ASTN2: variants seen among roughly 807,000 people sequenced by gnomAD.
ASTN2 encodes the protein astrotactin 2, also known as astrotactin-2.
A neutral mutation model predicts 139.8 loss-of-function variants in ASTN2; 54 were observed. The observed-to-expected ratio is 0.39, with a 90% CI of 0.31 to 0.48. The LOEUF is 0.48. Among genes scored for constraint, ASTN2 ranks in the 20% least tolerant of loss-of-function variants. ASTN2 has a pLI of 0.95. For synonymous variants in ASTN2, 756 were observed against 719.5 expected (o/e 1.05, Z -0.81); for missense variants, 1,565 against 1,725.1 (o/e 0.91, Z 1.64).
chr9:117,233,080 T>C (rs563585074), intron 2 of ASTN2, among the ~76,000 whole-genome samples: 1 of 152,290 alleles, frequency 6.6e-6, no homozygotes, highest in East Asian at 1.9e-4. Context: ...GAGCTGGAGC[T>C]TGCGTTCTTC....
At chr9:117,247,266 G>T (rs991625824) in intron 2 of ASTN2, among the ~76,000 whole-genome samples, 3 of 152,196 alleles carry the variant, frequency 2.0e-5, no homozygotes, top group Non-Finnish European at 4.4e-5. Context: ...CAGGATTAGC[G>T]GCTTGCCTCC....
intron 2 of ASTN2, among the ~76,000 whole-genome samples, chr9:117,240,969 C>T (rs1171568085): frequency 6.6e-6 from 1 of 152,188 alleles, no homozygotes; most frequent in Non-Finnish European, 1.5e-5. Flanking sequence ...GTTTACAATC[C>T]TCCTTTCCAT....
chr9:117,225,846 A>G (rs1455035459), intron 2 of ASTN2, among the ~76,000 whole-genome samples: 1 of 151,962 alleles, frequency 6.6e-6, no homozygotes, highest in Non-Finnish European at 1.5e-5. Context: ...ACCTGCATAA[A>G]ACATTCAATA....
At chr9:117,220,974 C>T (rs1448661205) in intron 2 of ASTN2, among the ~76,000 whole-genome samples, 3 of 152,176 alleles carry the variant, frequency 2.0e-5, no homozygotes, top group African/African-American at 7.2e-5. Context: ...TGACCATTTT[C>T]CCATTCAAGG....
In ASTN2 at chr9:116,620,366, G is replaced by A; in HGVS notation, c.3150C>T (p.Asp1050=). The change falls in exon 18 of 23, where the codon GAC becomes GAT. Residue 1050 remains aspartate, a synonymous_variant. Transcript: ENST00000313400. The stretch of plus-strand genomic sequence containing the variant: ...GCCCATTGGCATCAAAGGCGCTGAG[G>A]TCACACCTGCACCAGTCATCGATCA... ...GDVIDDWCRC[D]LSAFDANGLP... 1 of 1,614,140 alleles carries A rather than the reference G, an allele frequency of 6.2e-7. No homozygotes were observed. The highest frequency in any genetic ancestry group is 8.5e-7 in the Non-Finnish European group (1 of 1,180,014).
At position 117,388,016 on chromosome 9, in the gene ASTN2, C is replaced by T. The variant is rs577345965; in HGVS notation, c.442+26481G>A. Among the ~76,000 whole-genome samples the T allele has an allele frequency of 9.2e-5, 14 of 152,242 alleles. No individual in the cohort carries two copies. In the East Asian group the frequency reaches 2.7e-3, roughly 30 times the overall value. On this transcript the variant is annotated intron_variant, in intron 1 of 22. Coordinates refer to ENST00000313400, the MANE Select transcript of ASTN2 (RefSeq NM_001365068.1). Reference sequence around the variant, plus strand: ...CCACTTCAGAAAGGGGAAGAGAAGGCCTACAAGGAAGGGCTTTGGGCCCCT... The same window carrying T: ...CCACTTCAGAAAGGGGAAGAGAAGGTCTACAAGGAAGGGCTTTGGGCCCCT...
At chr9:117,215,286 T>G (rs1353965097) in intron 2 of ASTN2, among the ~76,000 whole-genome samples, 3 of 152,138 alleles carry the variant, frequency 2.0e-5, no homozygotes, top group African/African-American at 7.2e-5. Context: ...ATAGCATTAT[T>G]AAATCAAACA....
At chr9:117,269,651 C>T (rs1027455698) in intron 2 of ASTN2, among the ~76,000 whole-genome samples, 8 of 152,188 alleles carry the variant, frequency 5.3e-5, no homozygotes, top group Admixed American at 2.0e-4. Context: ...TGAGGTTCAG[C>T]GTGGGCAAGG....
intron 13 of ASTN2, among the ~76,000 whole-genome samples, chr9:116,777,720 C>G (rs73655485): frequency 0.022 from 3,391 of 152,302 alleles, 127 homozygotes; most frequent in African/African-American, 0.077. Flanking sequence ...CAGAAACACT[C>G]TATTCCAGTT....
rs59765465 is a variant in ASTN2, at chr9:117,052,267, C to T, written c.1277-12302G>A. ...CGTCCTGGCTAACGTGGTGAAACCC[C>T]GTCTTTACTAAAAATACAAAAAATT... On this transcript the variant is annotated intron_variant, in intron 5 of 22. Transcript: ENST00000313400. Among the ~76,000 whole-genome samples, 958 of 151,498 alleles carry T rather than the reference C, an allele frequency of 6.3e-3. 13 individuals are homozygous for T. Among genetic ancestry groups the T allele is most frequent in the African/African-American group, 0.022 (891 of 41,080 alleles).
intron 1 of ASTN2, among the ~76,000 whole-genome samples, chr9:117,362,444 T>TGG (rs951533420): frequency 2.6e-5 from 4 of 152,122 alleles, no homozygotes; most frequent in African/African-American, 9.7e-5. Flanking sequence ...AGAGAGGCCC[T>TGG]GGTGGTAGAT....
chr9:117,100,357 T>A (rs1044132198), intron 4 of ASTN2, among the ~76,000 whole-genome samples: 6 of 152,314 alleles, frequency 3.9e-5, no homozygotes, highest in African/African-American at 1.4e-4. Context: ...TCAATAGAAA[T>A]ATAATGCAAA....
intron 20 of ASTN2, among the ~76,000 whole-genome samples, chr9:116,455,450 A>T (rs1848305860): frequency 1.3e-5 from 2 of 152,140 alleles, no homozygotes; most frequent in Non-Finnish European, 2.9e-5. Flanking sequence ...CTTTACTACA[A>T]ATTATTTAAG....
chr9:116,731,992 C>T (rs987861612), intron 14 of ASTN2, among the ~76,000 whole-genome samples: 1 of 151,912 alleles, frequency 6.6e-6, no homozygotes, highest in East Asian at 1.9e-4. Context: ...ATGTTAGCTC[C>T]GAAATTTTAT....
rs749979493 is a variant in ASTN2, at chr9:116,839,859, CATTATT to C, written c.2041-19082_2041-19077del. Among the ~76,000 whole-genome samples, 11 of 125,936 alleles carry C rather than the reference CATTATT, an allele frequency of 8.7e-5. No individual in the cohort carries two copies. In the East Asian group the frequency reaches 1.4e-3, roughly 17 times the overall value. 82.6% of individuals were successfully genotyped at this position (125,936 alleles called of 152,430 possible). A position where few individuals can be genotyped will look rare whatever the true frequency, so the allele number is the denominator to read the frequency against. On this transcript the variant is annotated intron_variant, in intron 11 of 22. Transcript: ENST00000313400. ...CTGATTTTTTTATTTTATTTTATTT[CATTATT>C]ATTATTATTATTATTATTTTTTTTT...
At chr9:116,599,775 T>C (rs909534645) in intron 19 of ASTN2, among the ~76,000 whole-genome samples, 3 of 152,134 alleles carry the variant, frequency 2.0e-5, no homozygotes, top group Non-Finnish European at 4.4e-5. Context: ...ATCAATAATG[T>C]CTGAGAGGGG....
chr9:116,703,717 A>C (rs1264764916), intron 16 of ASTN2, among the ~76,000 whole-genome samples: 1 of 94,912 alleles, frequency 1.1e-5, no homozygotes, highest in Non-Finnish European at 2.4e-5. Flanking sequence ...CCTAAAACTT[A>C]AAGTATAATA....
At chr9:116,793,409 G>A (rs2132226467) in intron 13 of ASTN2, among the ~76,000 whole-genome samples, 1 of 152,304 alleles carries the variant, frequency 6.6e-6, no homozygotes, top group Admixed American at 6.5e-5. Context: ...TGGAGCATAT[G>A]TTATCCCTAC....
chr9:116,679,417 G>C (rs1375046069), intron 16 of ASTN2, among the ~76,000 whole-genome samples: 1 of 152,082 alleles, frequency 6.6e-6, no homozygotes, highest in Non-Finnish European at 1.5e-5. Context: ...TGGAACATTT[G>C]TGTAAATGTG....
Sources: allele counts gnomAD v4.1 joint callset (sites outside exome capture counted in the v4.1 genomes callset), GRCh38; gene constraint gnomAD v4.1.1; transcripts MANE v1.5; gene names NCBI Gene and HGNC (gene_info 2026-07-23, HGNC 2026-07-21).